IPO8: variants seen among roughly 807,000 people sequenced by gnomAD.
The protein encoded by IPO8 is importin-8.
IPO8 carries 65 observed loss-of-function variants against 141.2 expected under a neutral mutation model. The ratio of observed to expected loss-of-function variants is 0.46; its 90% confidence interval spans 0.38 to 0.57. The LOEUF is 0.57. Among genes scored for constraint, IPO8 ranks in the 20% least tolerant of loss-of-function variants. The probability of loss-of-function intolerance (pLI) is 0.00; values close to 1 mark genes in which losing one functional copy is unlikely to be tolerated. For missense variants in IPO8, 980 were observed against 1,246.8 expected (o/e 0.79, Z 3.22); for synonymous variants, 411 against 420.3 (o/e 0.98, Z 0.27).
chr12:30,653,206 T>C (rs1211813223), intron 17 of IPO8, 114 bp from the exon 18 acceptor site: 1 of 850,072 alleles, frequency 1.2e-6, no homozygotes, highest in Non-Finnish European at 1.8e-6. Flanking sequence ...CTCTATCCAA[T>C]GTACTCATAA....
intron 3 of IPO8, among the ~76,000 whole-genome samples, chr12:30,683,810 G>C (rs1280816576): frequency 2.6e-5 from 4 of 152,174 alleles, no homozygotes; most frequent in Non-Finnish European, 4.4e-5. Context: ...TAAAAAACTG[G>C]AGACAGTTCT....
At chr12:30,638,357 G>C (rs1240259165) in intron 21 of IPO8, among the ~76,000 whole-genome samples, 1 of 152,190 alleles carries the variant, frequency 6.6e-6, no homozygotes, top group Non-Finnish European at 1.5e-5. Context: ...TGTCCTGCAA[G>C]TAGAAAAATT....
At position 30,661,228 on chromosome 12, in the gene IPO8, A is replaced by G; in HGVS notation, c.1794T>C (p.Tyr598=). 2 of 1,598,458 alleles carry G rather than the reference A, an allele frequency of 1.3e-6. No individual in the cohort carries two copies. Among genetic ancestry groups the G allele is most frequent in the Non-Finnish European group, 1.7e-6 (2 of 1,173,084 alleles). ...IFGKVLQSDE[Y]EEVEDKTVMA... ...TTACTGTTTTGTCTTCAACTTCTTC[A>G]TATTCATCACTTTGAAGAACTTTGC... Residue 598 remains tyrosine, a synonymous_variant, in exon 16 of 25, where the codon TAT becomes TAC. Transcript: ENST00000256079.
At chr12:30,676,636 A>C in intron 5 of IPO8, 49 bp from the exon 6 acceptor site, 1 of 1,358,618 alleles carries the variant, frequency 7.4e-7, no homozygotes, top group Middle Eastern at 1.8e-4. Flanking sequence ...CATCCAAAAA[A>C]ATCAGCAATT....
intron 17 of IPO8, among the ~76,000 whole-genome samples, chr12:30,655,303 G>A (rs549701790): frequency 4.6e-5 from 7 of 151,770 alleles, no homozygotes; most frequent in Non-Finnish European, 7.4e-5. Flanking sequence ...GCAACCACTG[G>A]TCTTTTTACT....
intron 24 of IPO8, among the ~76,000 whole-genome samples, chr12:30,631,467 C>T (rs2052431072): frequency 6.6e-6 from 1 of 152,216 alleles, no homozygotes; most frequent in South Asian, 2.1e-4. Flanking sequence ...CAACAAGAAA[C>T]AATGTCAAAT....
chr12:30,675,651 C>A (rs1278276513), intron 6 of IPO8, among the ~76,000 whole-genome samples: 1 of 150,790 alleles, frequency 6.6e-6, no homozygotes, highest in East Asian at 1.9e-4. Flanking sequence ...CACCGTGAAA[C>A]CCTGTCTCTA....
Position 30,673,962 on chromosome 12 carries a change from T to C in IPO8, c.909+28A>G, listed in dbSNP as rs1018394856. ...CCTTTACTTTCAGTAGTAACCATTA[T>C]TCTATTTTAAAAGCATAAGTTTATT... On this transcript the variant is annotated intron_variant, in intron 8 of 24. Coordinates refer to ENST00000256079, the MANE Select transcript of IPO8 (RefSeq NM_006390.4). 2.2e-6 allele frequency: 3 copies of C among 1,385,758 alleles called. No individual in the cohort carries two copies. The Admixed American group carries it at 5.3e-5, about 24-fold the overall frequency. The allele number at this position is 1,385,758 out of a possible 1,614,324, so 85.8% of individuals were successfully genotyped here.
chr12:30,692,363 C>T (rs2053298806), intron 1 of IPO8, among the ~76,000 whole-genome samples: 1 of 152,134 alleles, frequency 6.6e-6, no homozygotes, highest in African/African-American at 2.4e-5. Flanking sequence ...TTTCAGAAAC[C>T]TTGTCTTCTT....
intron 22 of IPO8, among the ~76,000 whole-genome samples, chr12:30,635,429 T>C (rs1485609210): frequency 6.6e-6 from 1 of 152,106 alleles, no homozygotes; most frequent in Non-Finnish European, 1.5e-5. Flanking sequence ...TCCATAAATA[T>C]ATAATTTGCT....
intron 8 of IPO8, among the ~76,000 whole-genome samples, chr12:30,672,873 G>A (rs1004288732): frequency 6.6e-6 from 1 of 151,912 alleles, no homozygotes; most frequent in Non-Finnish European, 1.5e-5. Flanking sequence ...TAGGCAAAAT[G>A]ATAACACATA....
At chr12:30,678,377 T>C (rs2053149645) in intron 5 of IPO8, among the ~76,000 whole-genome samples, 1 of 152,182 alleles carries the variant, frequency 6.6e-6, no homozygotes, top group East Asian at 1.9e-4. Context: ...AAATATCTTA[T>C]ACTGCATTTT....
rs189124760 is a variant in IPO8 at position 30,660,646 on chromosome 12, G to C, written c.1881+495C>G. On this transcript the variant is annotated intron_variant, in intron 16 of 24. Coordinates refer to ENST00000256079, the MANE Select transcript of IPO8 (RefSeq NM_006390.4). ...AAAGTCTTATCCCAATAACACTTTGGAATTCAGTTGAGTAAATATGCTTTT... is the reference window on the plus strand; with the variant it reads ...AAAGTCTTATCCCAATAACACTTTGCAATTCAGTTGAGTAAATATGCTTTT... Among the ~76,000 whole-genome samples, 6 of 152,218 alleles carry C rather than the reference G, an allele frequency of 3.9e-5. No homozygotes were observed. The East Asian group carries it at 1.2e-3, about 29-fold the overall frequency.
rs777503373 is a variant in IPO8, at chr12:30,656,706, A to T, written c.1926T>A (p.Leu642=). The T allele has an allele frequency of 1.3e-6, 2 of 1,562,980 alleles. No individual in the cohort carries two copies. Among genetic ancestry groups the T allele is most frequent in the East Asian group, 4.7e-5 (2 of 42,966 alleles). The part of the protein sequence containing the change: ...LENICLRIID[L]VLQKHVIEFY... ...TACCAATTACATGTTTCTGCAGAAC[A>T]AGATCAATGATCCGTAGACAGATAT... Residue 642 remains leucine, a synonymous_variant, in exon 17 of 25, where the codon CTT becomes CTA. Coordinates refer to ENST00000256079, the MANE Select transcript of IPO8 (RefSeq NM_006390.4).
Position 30,629,378 on chromosome 12 carries a change from GCAGGGGGT to G in IPO8, c.*1474_*1481del, listed in dbSNP as rs1163341089. ...CTTGGGAAGGGAGGAGCAGAGGAAA[GCAGGGGGT>G]CACTGAACTCCAAAACTCATGGTTT... On this transcript the variant is annotated 3_prime_UTR_variant, in exon 25 of 25. Coordinates refer to ENST00000256079, the MANE Select transcript of IPO8 (RefSeq NM_006390.4). The G allele has an allele frequency of 6.6e-6, 1 of 152,226 alleles. No homozygotes were observed. Among genetic ancestry groups the G allele is most frequent in the African/African-American group, 2.4e-5 (1 of 41,450 alleles). 9.4% of individuals were successfully genotyped at this position (152,226 alleles called of 1,614,324 possible).
At chr12:30,662,301 A>G in intron 15 of IPO8, 26 bp downstream of exon 15, 1 of 1,591,594 alleles carries the variant, frequency 6.3e-7, no homozygotes, top group Non-Finnish European at 8.6e-7. Flanking sequence ...TCTAAACCAA[A>G]TTAACATAAA....
At chr12:30,667,990 GTGTGGTGGCACATGCC>G (rs1166294148) in intron 10 of IPO8, among the ~76,000 whole-genome samples, 1 of 152,010 alleles carries the variant, frequency 6.6e-6, no homozygotes, top group Admixed American at 6.6e-5. Context: ...AATTAGCCAG[GTGTGGTGGCACATGCC>G]TGTGGCCCCA....
rs193067251 is a variant in IPO8 at position 30,648,247 on chromosome 12, G to C, written c.2268+890C>G. On this transcript the variant is annotated intron_variant, in intron 20 of 24. Transcript: ENST00000256079. ...AATGAAATATTATTTGGCATTAAAAGAAATAAAGTACCAATACACACTACC... is the reference window on the plus strand; with the variant it reads ...AATGAAATATTATTTGGCATTAAAACAAATAAAGTACCAATACACACTACC... 6.2e-4 allele frequency among the ~76,000 whole-genome samples: 95 copies of C among 152,254 alleles called. 1 individual carries two copies. The highest frequency in any genetic ancestry group is 3.4e-3 in the Middle Eastern group (1 of 294).
intron 16 of IPO8, among the ~76,000 whole-genome samples, chr12:30,659,170 G>A (rs1033073333): frequency 1.5e-4 from 23 of 151,992 alleles, no homozygotes; most frequent in African/African-American, 4.8e-4. Context: ...ATGAGCCACC[G>A]CGCCGGGCCT....
Sources: gnomAD v4.1 joint callset for allele counts (sites outside exome capture counted in the v4.1 genomes callset) on GRCh38, gnomAD v4.1.1 for gene constraint, MANE v1.5 for transcripts, NCBI Gene and HGNC (gene_info 2026-07-23, HGNC 2026-07-21) for gene names.